The following EPHB1 variants were observed in gnomAD, a reference collection of about 807,000 sequenced individuals.
EPHB1 encodes EPH receptor B1.
Under a neutral mutation model 94.4 loss-of-function variants are expected in EPHB1, and 30 were observed. The ratio of observed to expected loss-of-function variants is 0.32; its 90% CI spans 0.24 to 0.43. The LOEUF is 0.43. Ranked by LOEUF, EPHB1 falls within the 20% of genes least tolerant of loss-of-function variation. EPHB1 has a pLI of 1.00. For synonymous variants in EPHB1, 522 were observed against 489.1 expected, an observed-to-expected ratio of 1.07 and a Z score of -0.89; for missense variants, 1,055 against 1,308.3, an observed-to-expected ratio of 0.81 and a Z score of 2.99.
intron 2 of EPHB1, among the ~76,000 whole-genome samples, chr3:134,931,702 C>T (rs930312485): frequency 4.6e-5 from 7 of 152,150 alleles, no homozygotes; most frequent in South Asian, 2.1e-4. Flanking sequence ...ATGTGTACTC[C>T]GTGTGTATGT....
intron 1 of EPHB1, among the ~76,000 whole-genome samples, chr3:134,810,513 C>T (rs999535462): frequency 3.9e-5 from 6 of 152,128 alleles, no homozygotes; most frequent in African/African-American, 1.4e-4. Context: ...GAGGACTGAC[C>T]TTTGCAACTC....
chr3:135,228,739 A>T (rs1450011394), intron 12 of EPHB1, among the ~76,000 whole-genome samples: 1 of 144,332 alleles, frequency 6.9e-6, no homozygotes, highest in Non-Finnish European at 1.5e-5. Context: ...CTGAGGGGTG[A>T]CAGCGTGGGT....
chr3:134,830,016 G>C (rs933769947), intron 1 of EPHB1, among the ~76,000 whole-genome samples: 3 of 152,200 alleles, frequency 2.0e-5, no homozygotes, highest in Non-Finnish European at 4.4e-5. Flanking sequence ...CTCCAGAACT[G>C]TGAGATAAGT....
chr3:134,945,026 T>G (rs2039189616), intron 2 of EPHB1, among the ~76,000 whole-genome samples: 1 of 152,228 alleles, frequency 6.6e-6, no homozygotes, highest in Non-Finnish European at 1.5e-5. Context: ...TCAGCATCTT[T>G]TCATATATTT....
chr3:134,958,413 A>AGTGTGTGTGTGTGT (rs3067407), intron 3 of EPHB1, among the ~76,000 whole-genome samples: 1,131 of 97,678 alleles, frequency 0.012, 9 homozygotes, highest in Admixed American at 0.026. Context: ...AACACAAGGG[A>AGTGTGTGTGTGTGT]GTGTGTGTGT....
chr3:134,843,210 C>T (rs1286880155), intron 1 of EPHB1, among the ~76,000 whole-genome samples: 1 of 152,164 alleles, frequency 6.6e-6, no homozygotes, highest in Non-Finnish European at 1.5e-5. Flanking sequence ...CTTTGAATAT[C>T]ATTCCATTAC....
chr3:134,992,736 C>T (rs1288381541), intron 3 of EPHB1, among the ~76,000 whole-genome samples: 1 of 152,160 alleles, frequency 6.6e-6, no homozygotes, highest in Non-Finnish European at 1.5e-5. Context: ...CTCACCCTCT[C>T]CACACTGTGA....
chr3:135,204,755 G>A (rs1021797446), intron 12 of EPHB1, among the ~76,000 whole-genome samples: 28 of 151,634 alleles, frequency 1.8e-4, no homozygotes, highest in African/African-American at 4.1e-4. Flanking sequence ...TGCCCGCCTC[G>A]GCCTCCCAAA....
intron 3 of EPHB1, among the ~76,000 whole-genome samples, chr3:134,990,885 C>T (rs924613336): frequency 3.9e-5 from 6 of 152,206 alleles, no homozygotes; most frequent in South Asian, 4.1e-4. Context: ...TTCCTGAACT[C>T]GGCAATCTCC....
At chr3:134,928,728 A>G (rs1433041832) in intron 2 of EPHB1, among the ~76,000 whole-genome samples, 2 of 152,184 alleles carry the variant, frequency 1.3e-5, no homozygotes, top group Non-Finnish European at 2.9e-5. Context: ...AGCCTGGGGC[A>G]TGGCTGCAGT....
intron 12 of EPHB1, among the ~76,000 whole-genome samples, chr3:135,212,038 T>C (rs539452557): frequency 7.2e-5 from 11 of 152,344 alleles, no homozygotes; most frequent in Middle Eastern, 3.4e-3. Flanking sequence ...TTTTTTCTTC[T>C]CTTTTTCAGG....
chr3:135,002,045 G>A (rs1359366144), intron 3 of EPHB1, among the ~76,000 whole-genome samples: 1 of 152,130 alleles, frequency 6.6e-6, no homozygotes, highest in Non-Finnish European at 1.5e-5. Context: ...GAGATGAATC[G>A]ATAAACAAAA....
At chr3:135,198,789 A>G (rs572979500) in intron 11 of EPHB1, among the ~76,000 whole-genome samples, 1 of 152,260 alleles carries the variant, frequency 6.6e-6, no homozygotes, top group East Asian at 1.9e-4. Flanking sequence ...GTGTTATCTC[A>G]TTTAGTCTCA....
At chr3:135,065,313 A>T (rs1036218615) in intron 3 of EPHB1, among the ~76,000 whole-genome samples, 6 of 152,126 alleles carry the variant, frequency 3.9e-5, no homozygotes, top group African/African-American at 1.4e-4. Flanking sequence ...TTGAAGTCCC[A>T]CAATATTATT....
At chr3:135,123,178 A>T (rs1291291124) in intron 4 of EPHB1, among the ~76,000 whole-genome samples, 2 of 152,194 alleles carry the variant, frequency 1.3e-5, no homozygotes, top group Admixed American at 1.3e-4. Flanking sequence ...TCTTGGTTCC[A>T]CCAGTGCATG....
In EPHB1 at chr3:135,173,287, G is replaced by C. The variant is rs566104495; in HGVS notation, c.1759+6281G>C. On this transcript the variant is annotated intron_variant, in intron 9 of 15. Coordinates refer to ENST00000398015, the MANE Select transcript of EPHB1 (RefSeq NM_004441.5). ...CTGACCTCGTGATCCGCCCGCCTCG[G>C]CCTCCCAAAGTGCTGGGATTACAGG... 4.9e-4 allele frequency among the ~76,000 whole-genome samples: 74 copies of C among 152,218 alleles called. No individual in the cohort carries two copies. The South Asian group carries it at 0.015, about 32-fold the overall frequency.
intron 5 of EPHB1, among the ~76,000 whole-genome samples, chr3:135,136,808 T>A (rs1363865720): frequency 6.6e-6 from 1 of 152,202 alleles, no homozygotes; most frequent in East Asian, 1.9e-4. Context: ...TGGTCATGAA[T>A]TATGCAAGCT....
intron 3 of EPHB1, among the ~76,000 whole-genome samples, chr3:135,035,127 G>A (rs1349608656): frequency 6.6e-6 from 1 of 152,194 alleles, no homozygotes; most frequent in African/African-American, 2.4e-5. Context: ...ACTCAGTGGG[G>A]TTTTGGAGTC....
At chr3:134,966,526 C>G (rs1038775430) in intron 3 of EPHB1, among the ~76,000 whole-genome samples, 9 of 152,200 alleles carry the variant, frequency 5.9e-5, no homozygotes, top group African/African-American at 1.9e-4. Flanking sequence ...ACAATAGTCT[C>G]TATTTAGGGA....
Sources: gnomAD v4.1 joint callset for allele counts (sites outside exome capture counted in the v4.1 genomes callset) on GRCh38, gnomAD v4.1.1 for gene constraint, MANE v1.5 for transcripts, NCBI Gene and HGNC (gene_info 2026-07-23, HGNC 2026-07-21) for gene names.